The following PCDH7 variants were observed in gnomAD, a reference collection of about 807,000 sequenced individuals.
PCDH7 encodes protocadherin 7.
A neutral mutation model predicts 58.9 loss-of-function variants in PCDH7; 17 were observed. The ratio of observed to expected loss-of-function variants is 0.29; its 90% CI spans 0.20 to 0.43. PCDH7 has a LOEUF of 0.43. Among genes scored for constraint, PCDH7 ranks in the 20% least tolerant of loss-of-function variants. PCDH7 has a pLI of 1.00. For missense variants in PCDH7, 1,274 were observed against 1,441.0 expected (o/e 0.88, Z 1.88); for synonymous variants, 664 against 616.4 (o/e 1.08, Z -1.14).
In PCDH7 at chr4:30,722,693, C is replaced by A; in HGVS notation, c.1271C>A (p.Pro424His). 6.2e-7 allele frequency: 1 copy of A among 1,613,604 alleles called. No homozygotes were observed. Among genetic ancestry groups the A allele is most frequent in the Non-Finnish European group, 8.5e-7 (1 of 1,180,030 alleles). ...GAAATCCGCAAGATTGGGCGCATCCCCCTCAAGGACGGGGTGGCCAACGTG... is the reference window on the plus strand; with the variant it reads ...GAAATCCGCAAGATTGGGCGCATCCACCTCAAGGACGGGGTGGCCAACGTG... Residue 424 changes from proline (P) to histidine (H), a missense_variant, in exon 1 of 2, where the codon CCC (proline) becomes CAC (histidine). By Grantham distance (77) the Pro-to-His change is moderately conservative (BLOSUM62 -2). Coordinates refer to ENST00000361762, the Ensembl canonical transcript of PCDH7. This position sits in a 1 kb window ranked among gnomAD's most constrained non-coding sequence, Gnocchi z 7.6.
At chr4:30,883,959 T>C (rs1560465844) in intron 1 of PCDH7, among the ~76,000 whole-genome samples, 1 of 152,176 alleles carries the variant, frequency 6.6e-6, no homozygotes, top group Non-Finnish European at 1.5e-5. Context: ...TATTGACAAA[T>C]TGGTTCCTTT....
intron 3 of PCDH7, among the ~76,000 whole-genome samples, chr4:30,950,801 G>C (rs1005151346): frequency 3.3e-5 from 5 of 152,118 alleles, no homozygotes; most frequent in Non-Finnish European, 5.9e-5. Context: ...TCAGCTGGTG[G>C]CATTTGAGGG....
chr4:31,085,026 G>C (rs757719978), intron 3 of PCDH7, among the ~76,000 whole-genome samples: 3 of 152,094 alleles, frequency 2.0e-5, no homozygotes, highest in Non-Finnish European at 2.9e-5. Flanking sequence ...TTCCAATAGA[G>C]AGAGTAATTC....
intron 3 of PCDH7, among the ~76,000 whole-genome samples, chr4:30,952,281 A>T (rs1390222866): frequency 2.6e-5 from 4 of 152,162 alleles, no homozygotes; most frequent in African/African-American, 9.6e-5. Flanking sequence ...CTTGTAACTC[A>T]CACAGAAAGA....
At chr4:30,916,317 A>T (rs773338950) in intron 1 of PCDH7, among the ~76,000 whole-genome samples, 5 of 152,128 alleles carry the variant, frequency 3.3e-5, no homozygotes, top group African/African-American at 1.2e-4. Context: ...CCTCTTTCAT[A>T]AGGAACTGTC....
At chr4:31,078,361 T>C (rs1287225496) in intron 3 of PCDH7, among the ~76,000 whole-genome samples, 1 of 152,134 alleles carries the variant, frequency 6.6e-6, no homozygotes, top group East Asian at 1.9e-4. Flanking sequence ...TAGCTCATTG[T>C]AACCTCAAAC....
intron 1 of PCDH7, among the ~76,000 whole-genome samples, chr4:30,908,867 G>A (rs1005157046): frequency 6.6e-6 from 1 of 152,176 alleles, no homozygotes. Context: ...AAAGCTGGCA[G>A]AGACACAGAA....
intron 1 of PCDH7, among the ~76,000 whole-genome samples, chr4:30,770,024 A>G (rs549303851): frequency 1.6e-4 from 25 of 152,300 alleles, no homozygotes; most frequent in African/African-American, 5.5e-4. Flanking sequence ...CAGGCTTTGT[A>G]CTTGAAAAAC....
At chr4:30,844,013 CA>C (rs1232155632) in intron 1 of PCDH7, among the ~76,000 whole-genome samples, 2 of 152,186 alleles carry the variant, frequency 1.3e-5, no homozygotes, top group Non-Finnish European at 2.9e-5. Flanking sequence ...TTTCCTATTA[CA>C]AATTACTTGC....
At chr4:30,986,850 G>A (rs1751012906) in intron 3 of PCDH7, among the ~76,000 whole-genome samples, 1 of 151,790 alleles carries the variant, frequency 6.6e-6, no homozygotes, top group South Asian at 2.1e-4. Context: ...GTGTGGTGGT[G>A]GGCGCCTGTA....
intron 1 of PCDH7, among the ~76,000 whole-genome samples, chr4:30,827,993 A>T (rs186721191): frequency 6.6e-6 from 1 of 152,244 alleles, no homozygotes; most frequent in Non-Finnish European, 1.5e-5. Context: ...GGAGGTCCTT[A>T]ATCTACCTCT....
At chr4:31,080,912 T>C (rs1759447897) in intron 3 of PCDH7, among the ~76,000 whole-genome samples, 1 of 152,212 alleles carries the variant, frequency 6.6e-6, no homozygotes, top group Non-Finnish European at 1.5e-5. Context: ...TGAGATGTGA[T>C]GATTTTATAA....
chr4:30,976,403 T>C (rs2109479821), intron 3 of PCDH7, among the ~76,000 whole-genome samples: 1 of 145,258 alleles, frequency 6.9e-6, no homozygotes, highest in Non-Finnish European at 1.5e-5. Flanking sequence ...AAAATACTTT[T>C]TTTTTTTTTT....
intron 1 of PCDH7, among the ~76,000 whole-genome samples, chr4:30,794,208 C>T (rs1269775804): frequency 6.6e-6 from 1 of 152,160 alleles, no homozygotes; most frequent in African/African-American, 2.4e-5. Context: ...GAATATTGGA[C>T]TATAAAAAAC....
chr4:30,834,997 A>G lies in PCDH7; in HGVS notation c.71-85156A>G, dbSNP rs1730295030. Among the ~76,000 whole-genome samples the G allele has an allele frequency of 2.6e-5, 4 of 152,170 alleles. No individual in the cohort carries two copies. The South Asian group carries it at 8.3e-4, about 32-fold the overall frequency. On this transcript the variant is annotated intron_variant, in intron 1 of 3. Transcript: ENST00000509759. ...ATGTAAATACATGTGTATGCAATAA[A>G]GTGAGAATAGGAGAGCCATATATAA...
At chr4:30,955,908 G>C (rs886914661) in intron 3 of PCDH7, among the ~76,000 whole-genome samples, 8 of 151,916 alleles carry the variant, frequency 5.3e-5, no homozygotes, top group Non-Finnish European at 1.2e-4. Flanking sequence ...TTACAGGCTG[G>C]ACGCAGTGGC....
chr4:30,935,350 T>C (rs1264697068), intron 2 of PCDH7: 1 of 982,780 alleles, frequency 1.0e-6, no homozygotes, highest in Non-Finnish European at 1.2e-6. Context: ...TAAAGGTAAG[T>C]AGTTTCTTGG....
At chr4:30,735,415 G>C (rs889756399), downstream of PCDH7, among the ~76,000 whole-genome samples, 8 of 152,126 alleles carry the variant, frequency 5.3e-5, no homozygotes, top group Non-Finnish European at 1.2e-4. Context: ...TGAGAGCAAC[G>C]GGCAGTGATT....
chr4:30,957,726 A>G (rs1560533415), intron 3 of PCDH7, among the ~76,000 whole-genome samples: 2 of 152,180 alleles, frequency 1.3e-5, no homozygotes, highest in African/African-American at 2.4e-5. Context: ...CTTTAAATAC[A>G]TTAAATAGGC....
Sources: allele counts gnomAD v4.1 joint callset (sites outside exome capture counted in the v4.1 genomes callset), GRCh38; gene constraint gnomAD v4.1.1; non-coding constraint Gnocchi (gnomAD v3.1); transcripts MANE v1.5; gene names NCBI Gene and HGNC (gene_info 2026-07-23, HGNC 2026-07-21).